Variants in NHSL1 observed in about 807,000 individuals in gnomAD.
NHSL1 encodes NHS-like protein 1.
NHSL1 carries 48 observed loss-of-function variants against 95.0 expected under a neutral mutation model. The ratio of observed to expected loss-of-function variants is 0.51; its 90% CI spans 0.40 to 0.64. The LOEUF (loss-of-function observed/expected upper bound fraction) is 0.64. Ranked by LOEUF, NHSL1 falls within the 30% of genes least tolerant of loss-of-function variation. The pLI is 0.00. For synonymous variants in NHSL1, 783 were observed against 833.9 expected (o/e 0.94, Z 1.05); for missense variants, 1,971 against 2,077.7 (o/e 0.95, Z 1.00).
At chr6:138,553,208 G>A (rs1783075093) in intron 1 of NHSL1, among the ~76,000 whole-genome samples, 1 of 152,146 alleles carries the variant, frequency 6.6e-6, no homozygotes, top group Non-Finnish European at 1.5e-5. Context: ...ATCCCATTAA[G>A]TGACCCCCTT....
At chr6:138,473,627 T>G (rs576213125) in intron 2 of NHSL1, among the ~76,000 whole-genome samples, 194 bp from the exon 3 acceptor site, 1 of 152,284 alleles carries the variant, frequency 6.6e-6, no homozygotes, top group Non-Finnish European at 1.5e-5. Context: ...ATATATCAAT[T>G]AAATATTAAT....
chr6:138,687,410 T>G (rs1223645508), intron 1 of NHSL1, among the ~76,000 whole-genome samples: 8 of 151,970 alleles, frequency 5.3e-5, no homozygotes, highest in Non-Finnish European at 1.2e-4. Flanking sequence ...TCTGGTTAGG[T>G]GAGGGGACAG....
chr6:138,467,330 T>C (rs918308272), intron 3 of NHSL1, among the ~76,000 whole-genome samples: 1 of 152,090 alleles, frequency 6.6e-6, no homozygotes, highest in Non-Finnish European at 1.5e-5. Context: ...TTTTTTGTAT[T>C]TTTAGTAGAG....
At chr6:138,449,348 GA>G (rs1328817053) in intron 3 of NHSL1, among the ~76,000 whole-genome samples, 1 of 152,068 alleles carries the variant, frequency 6.6e-6, no homozygotes, top group African/African-American at 2.4e-5. Flanking sequence ...GACCCAATAA[GA>G]TGATAAATGT....
At chr6:138,607,768 A>G (rs551517447) in intron 1 of NHSL1, among the ~76,000 whole-genome samples, 1 of 152,340 alleles carries the variant, frequency 6.6e-6, no homozygotes, top group African/African-American at 2.4e-5. Context: ...CTGTTTCAGA[A>G]GGACAACTAC....
At chr6:138,476,315 T>TA (rs367886245) in intron 2 of NHSL1, among the ~76,000 whole-genome samples, 2 of 152,018 alleles carry the variant, frequency 1.3e-5, no homozygotes, top group African/African-American at 2.4e-5. Flanking sequence ...TATGCAGCCA[T>TA]AAAAAAAGAA....
At chr6:138,639,026 A>G (rs1165103170) in intron 1 of NHSL1, among the ~76,000 whole-genome samples, 1 of 152,252 alleles carries the variant, frequency 6.6e-6, no homozygotes, top group African/African-American at 2.4e-5. Context: ...ATCTGTTTTA[A>G]TAAAGGTAAA....
intron 2 of NHSL1, among the ~76,000 whole-genome samples, chr6:138,483,762 T>G (rs2128265731): frequency 6.6e-6 from 1 of 152,134 alleles, no homozygotes; most frequent in East Asian, 1.9e-4. Flanking sequence ...GCCAAAATCC[T>G]CCTAATGGTT....
chr6:138,441,832 AC>A, intron 5 of NHSL1, 150 bp downstream of exon 5: 1 of 610,644 alleles, frequency 1.6e-6, no homozygotes. Context: ...TAAGATTTGC[AC>A]CTAATGCCTC....
At chr6:138,477,451 T>C (rs1779146464) in intron 2 of NHSL1, among the ~76,000 whole-genome samples, 4 of 152,032 alleles carry the variant, frequency 2.6e-5, no homozygotes. Context: ...AAATTCTTTT[T>C]AATTAGCCGG....
chr6:138,496,289 G>A lies in NHSL1; in HGVS notation c.141C>T (p.Pro47=). 6.4e-7 allele frequency: 1 copy of A among 1,550,938 alleles called. No homozygotes were observed. Among genetic ancestry groups the A allele is most frequent in the Non-Finnish European group, 8.7e-7 (1 of 1,146,902 alleles). ...CCTCAACACAGGGGGGTCTTGTGGT[G>A]GGAAGGAACACATTCTCCTGCTGGT... is the stretch of plus-strand genomic sequence containing the variant. ...PWHQQENVFL[P]TTRPPCVEDL... Residue 47 remains proline, a synonymous_variant, in exon 2 of 8, where the codon CCC becomes CCT. Transcript: ENST00000343505.
At position 138,650,198 on chromosome 6, in the gene NHSL1, G is replaced by A. The variant is rs529769067; in HGVS notation, c.96+42278C>T. On this transcript the variant is annotated intron_variant, in intron 1 of 3. Coordinates refer to the NHSL1 transcript ENST00000491526. The stretch of plus-strand genomic sequence containing the variant: ...CACTCATGGTGGCCAGGTTAAGACT[G>A]TGTTTTTTAGATGATTCAGGTTACT... The A allele has an allele frequency of 2.2e-4, 132 of 599,174 alleles. 1 individual carries two copies. The Middle Eastern group carries it at 7.4e-3, about 34-fold the overall frequency. 37.1% of individuals were successfully genotyped at this position (599,174 alleles called of 1,614,324 possible). A position where few individuals can be genotyped will look rare whatever the true frequency, so the allele number is the denominator to read the frequency against.
chr6:138,559,656 A>G (rs562612283), intron 1 of NHSL1, among the ~76,000 whole-genome samples: 1 of 152,314 alleles, frequency 6.6e-6, no homozygotes, highest in African/African-American at 2.4e-5. Flanking sequence ...ACTTCTACAT[A>G]TTGAGAAAAA....
At chr6:138,675,915 C>T (rs1453230541) in intron 1 of NHSL1, among the ~76,000 whole-genome samples, 1 of 152,116 alleles carries the variant, frequency 6.6e-6, no homozygotes, top group Non-Finnish European at 1.5e-5. Context: ...TTGGGGGTTG[C>T]CCTATGCCTG....
Position 138,650,512 on chromosome 6 carries a change from A to G in NHSL1, c.96+41964T>C, listed in dbSNP as rs941185667. 23 of 639,214 alleles carry G rather than the reference A, an allele frequency of 3.6e-5. No individual in the cohort carries two copies. The African/African-American group carries it at 4.2e-4, about 12-fold the overall frequency. 39.6% of individuals were successfully genotyped at this position (639,214 alleles called of 1,614,324 possible). A position where few individuals can be genotyped will look rare whatever the true frequency, so the allele number is the denominator to read the frequency against. On this transcript the variant is annotated intron_variant, in intron 1 of 3. Coordinates refer to the NHSL1 transcript ENST00000491526. Reference sequence around the variant, plus strand: ...TCATCCACCAGGTAGGCACTGATGAAGTAGGCCAGTAGGTTACAGCCTCAC... The same window carrying G: ...TCATCCACCAGGTAGGCACTGATGAGGTAGGCCAGTAGGTTACAGCCTCAC...
intron 1 of NHSL1, among the ~76,000 whole-genome samples, chr6:138,679,336 G>C (rs1785484433): frequency 1.3e-5 from 2 of 152,144 alleles, no homozygotes; most frequent in African/African-American, 4.8e-5. Context: ...TAATTGATTA[G>C]ACCAATAGGC....
chr6:138,435,754 G>T (rs761839740), intron 5 of NHSL1, among the ~76,000 whole-genome samples: 1 of 148,284 alleles, frequency 6.7e-6, no homozygotes, highest in Non-Finnish European at 1.5e-5. Flanking sequence ...TTTTTTACAA[G>T]TCGAAGGTTT....
intron 2 of NHSL1, among the ~76,000 whole-genome samples, chr6:138,485,345 A>C (rs1435795360): frequency 6.6e-6 from 1 of 152,194 alleles, no homozygotes; most frequent in East Asian, 1.9e-4. Context: ...CAAAAACAAA[A>C]CAAAAAGCCT....
chr6:138,525,567 A>G (rs1562348764), intron 1 of NHSL1, among the ~76,000 whole-genome samples: 1 of 145,008 alleles, frequency 6.9e-6, no homozygotes, highest in Admixed American at 7.0e-5. Flanking sequence ...AAATAAATAA[A>G]TAAATAAATA....
Sources: allele counts gnomAD v4.1 joint callset (sites outside exome capture counted in the v4.1 genomes callset), GRCh38; gene constraint gnomAD v4.1.1; transcripts MANE v1.5; gene names NCBI Gene and HGNC (gene_info 2026-07-23, HGNC 2026-07-21).